ZNF507: variants seen among roughly 807,000 people sequenced by gnomAD.
ZNF507 encodes the protein zinc finger protein 507.
In ZNF507, 29 loss-of-function variants were observed where a neutral mutation model predicts 80.0. That is an observed-to-expected ratio of 0.36 (90% confidence interval 0.27 to 0.49). The LOEUF is 0.49. Ranked by LOEUF, ZNF507 falls within the 20% of genes least tolerant of loss-of-function variation. The pLI is 0.98. For missense variants in ZNF507, 1,081 were observed against 1,152.2 expected, an observed-to-expected ratio of 0.94 and a Z score of 0.90; for synonymous variants, 462 against 422.5, an observed-to-expected ratio of 1.09 and a Z score of -1.15.
At chr19:32,352,225 A>G (rs1214624923) in intron 2 of ZNF507, among the ~76,000 whole-genome samples, 2 of 152,214 alleles carry the variant, frequency 1.3e-5, no homozygotes, top group Admixed American at 6.5e-5. Flanking sequence ...AATTTCATTT[A>G]TATAGTACTT....
rs1967646182 is a variant in ZNF507 at position 32,383,118 on chromosome 19, G to A, written c.*35G>A. 1.3e-6 allele frequency: 2 copies of A among 1,588,266 alleles called. No homozygotes were observed. The highest frequency in any genetic ancestry group is 1.7e-6 in the Non-Finnish European group (2 of 1,164,682). The stretch of plus-strand genomic sequence containing the variant: ...TGACTCGAGCAGGAAAGCAGTAGAA[G>A]AGGATTCCTTCACCACAGTTTCACC... On this transcript the variant is annotated 3_prime_UTR_variant, in exon 7 of 7. Coordinates refer to ENST00000355898, the MANE Select transcript of ZNF507 (RefSeq NM_001136156.2).
chr19:32,366,043 T>C (rs1392252955), intron 5 of ZNF507, among the ~76,000 whole-genome samples: 5 of 152,204 alleles, frequency 3.3e-5, no homozygotes, highest in Admixed American at 3.3e-4. Context: ...GCCCAAATAA[T>C]ATAAGATGAA....
In ZNF507 at chr19:32,354,039, A is replaced by C; in HGVS notation, c.1209A>C (p.Pro403=). The stretch of plus-strand genomic sequence containing the variant: ...TTAACGTGATAGTGGAGCGATTGCC[A>C]AGTGCTGAAGAAACCCTTTCACAGA... ...GHVNVIVERL[P]SAEETLSQKR... Residue 403 remains proline (P), a synonymous_variant, in exon 3 of 7, where the codon CCA becomes CCC. Coordinates refer to ENST00000355898, the MANE Select transcript of ZNF507 (RefSeq NM_001136156.2). 1 of 1,614,166 alleles carries C rather than the reference A, an allele frequency of 6.2e-7. No individual in the cohort carries two copies. Among genetic ancestry groups the C allele is most frequent in the Non-Finnish European group, 8.5e-7 (1 of 1,180,034 alleles).
intron 5 of ZNF507, among the ~76,000 whole-genome samples, chr19:32,365,088 T>G (rs1287825667): frequency 1.3e-5 from 2 of 152,224 alleles, no homozygotes; most frequent in Non-Finnish European, 2.9e-5. Context: ...GATTTGCATT[T>G]CCCTGATCGT....
Position 32,354,490 on chromosome 19 carries a change from TTAAC to T in ZNF507, c.1663_1666del (p.Thr555ValfsTer10). On this transcript the variant is annotated frameshift_variant, in exon 3 of 7. Coordinates refer to ENST00000355898, the MANE Select transcript of ZNF507 (RefSeq NM_001136156.2). LOFTEE classifies it high-confidence loss of function. The stretch of plus-strand genomic sequence containing the variant: ...GCCACTTAAAAACTCTTCAGATGGA[TTAAC>T]TAGTCTTAACCAAAGCAACTCCACC... 6.2e-7 allele frequency: 1 copy of T among 1,614,146 alleles called. No homozygotes were observed. The highest frequency in any genetic ancestry group is 1.3e-5 in the African/African-American group (1 of 75,018).
At position 32,383,231 on chromosome 19, in the gene ZNF507, T is replaced by A. The variant is rs529466393; in HGVS notation, c.*148T>A. The A allele has an allele frequency of 7.9e-5, 83 of 1,055,848 alleles. No individual in the cohort carries two copies. Among genetic ancestry groups the A allele is most frequent in the Non-Finnish European group, 1.1e-4 (82 of 742,470 alleles). The allele number at this position is 1,055,848 out of a possible 1,614,324, so 65.4% of individuals were successfully genotyped here. Reference sequence around the variant, plus strand: ...ACAGATGTGACTTTGGAACCAAACTTGTAATAAAAGGAATTCCAAATGGAC... The same window carrying A: ...ACAGATGTGACTTTGGAACCAAACTAGTAATAAAAGGAATTCCAAATGGAC... On this transcript the variant is annotated 3_prime_UTR_variant, in exon 7 of 7. Coordinates refer to ENST00000355898, the MANE Select transcript of ZNF507 (RefSeq NM_001136156.2).
Position 32,353,905 on chromosome 19 carries a change from G to C in ZNF507, c.1075G>C (p.Glu359Gln). The change falls in exon 3 of 7, where the codon GAA becomes CAA. Residue 359 changes from glutamate (E) to glutamine (Q), a missense_variant. Physicochemically the swap from Glu to Gln is conservative, Grantham distance 29. Around this residue, in one of 6 missense-constraint regions of ZNF507, gnomAD observed 614 missense variants for 583.9 expected, o/e 1.05. Coordinates refer to ENST00000355898, the MANE Select transcript of ZNF507 (RefSeq NM_001136156.2). ...SQSVTLDPNE[E>Q]EMLEVISDAE... ...GTCAGTTACCCTGGACCCCAATGAG[G>C]AAGAAATGCTAGAAGTGATTTCTGA... is the stretch of plus-strand genomic sequence containing the variant. 6.2e-7 allele frequency: 1 copy of C among 1,614,148 alleles called. No individual in the cohort carries two copies. Among genetic ancestry groups the C allele is most frequent in the Admixed American group, 1.7e-5 (1 of 60,018 alleles).
At chr19:32,361,858 T>A (rs1022055764) in intron 5 of ZNF507, among the ~76,000 whole-genome samples, 3 of 147,276 alleles carry the variant, frequency 2.0e-5, no homozygotes, top group Non-Finnish European at 3.0e-5. Flanking sequence ...TTTCCTTCCT[T>A]CCTTTCCTTC....
Position 32,354,560 on chromosome 19 carries a change from G to T in ZNF507, c.1730G>T (p.Gly577Val). Residue 577 changes from glycine (G) to valine (V), a missense_variant, in exon 3 of 7, where the codon GGG (glycine) becomes GTG (valine). Physicochemically the swap from Gly to Val is moderately radical, Grantham distance 109. Coordinates refer to ENST00000355898, the MANE Select transcript of ZNF507 (RefSeq NM_001136156.2). ...GAGGGTAGGCAGGAATTGTCAGATG[G>T]GCAGGTTAAGACAGGCATCAGCATG... ...LPEGRQELSD[G>V]QVKTGISMSL... 6.2e-7 allele frequency: 1 copy of T among 1,614,096 alleles called. No individual in the cohort carries two copies. The highest frequency in any genetic ancestry group is 1.1e-5 in the South Asian group (1 of 91,074).
At chr19:32,366,416 A>G (rs1347229519) in intron 5 of ZNF507, among the ~76,000 whole-genome samples, 1 of 151,838 alleles carries the variant, frequency 6.6e-6, no homozygotes, top group Non-Finnish European at 1.5e-5. Context: ...TTCTAACATT[A>G]TCAATTAGTG....
intron 5 of ZNF507, among the ~76,000 whole-genome samples, chr19:32,364,959 A>G (rs1967378312): frequency 6.6e-6 from 1 of 152,128 alleles, no homozygotes; most frequent in Admixed American, 6.6e-5. Flanking sequence ...TTATCGCCAC[A>G]TCCACACCAA....
chr19:32,352,728 G>C (rs1967185774), intron 2 of ZNF507, 101 bp from the exon 3 acceptor site: 2 of 1,036,642 alleles, frequency 1.9e-6, no homozygotes, highest in Admixed American at 2.8e-5. Context: ...AAAATACTTA[G>C]ATGAGATTAC....
intron 5 of ZNF507, among the ~76,000 whole-genome samples, chr19:32,361,691 CT>C (rs374392359): frequency 1.9e-4 from 4 of 21,466 alleles, no homozygotes; most frequent in Non-Finnish European, 6.2e-4. Context: ...TCCTTCCTTC[CT>C]TTCCTTCCTT....
chr19:32,354,881 T>A lies in ZNF507; in HGVS notation c.2051T>A (p.Leu684Ter). 1 of 1,614,148 alleles carries A rather than the reference T, an allele frequency of 6.2e-7. No individual in the cohort carries two copies. The highest frequency in any genetic ancestry group is 8.5e-7 in the Non-Finnish European group (1 of 1,180,022). ...CEHIADNSKD[L>*]ESHMIHHCKT... is the part of the protein sequence containing the mutation. ...CACATAGCGGACAACAGCAAAGATT[T>A]GGAGAGTCACATGATCCACCACTGT... Residue 684 changes from leucine (L) to a stop codon, truncating the protein, a stop_gained, in exon 3 of 7, where the codon TTG (leucine) becomes TAG (stop). Transcript: ENST00000355898. LOFTEE classifies it high-confidence loss of function.
chr19:32,378,650 TAAAA>T (rs10616609), intron 5 of ZNF507, among the ~76,000 whole-genome samples: 27 of 113,062 alleles, frequency 2.4e-4, no homozygotes, highest in Middle Eastern at 4.6e-3. Context: ...TTTTTTTTTT[TAAAA>T]AAAAAAGGGA....
Position 32,354,074 on chromosome 19 carries a change from T to C in ZNF507, c.1244T>C (p.Leu415Pro). The change falls in exon 3 of 7, where the codon CTC becomes CCC. Residue 415 changes from leucine (L) to proline (P), a missense_variant. Leu to Pro is a moderately conservative substitution (Grantham distance 98, BLOSUM62 -3). Transcript: ENST00000355898. ...GAAACCCTTTCACAGAAGCGCTTCC[T>C]CATGAACACTGAAATGGAAGAAGGG... ...AEETLSQKRFLMNTEMEEGKD... is the reference protein window; with the variant it reads ...AEETLSQKRFPMNTEMEEGKD... The C allele has an allele frequency of 6.2e-7, 1 of 1,614,042 alleles. No homozygotes were observed. The highest frequency in any genetic ancestry group is 2.2e-5 in the East Asian group (1 of 44,876).
At chr19:32,366,424 G>C (rs1967399887) in intron 5 of ZNF507, among the ~76,000 whole-genome samples, 1 of 151,702 alleles carries the variant, frequency 6.6e-6, no homozygotes, top group Non-Finnish European at 1.5e-5. Flanking sequence ...TTATCAATTA[G>C]TGTTTTCTGT....
chr19:32,362,943 T>G (rs966911321), intron 5 of ZNF507, among the ~76,000 whole-genome samples: 1 of 152,232 alleles, frequency 6.6e-6, no homozygotes, highest in Non-Finnish European at 1.5e-5. Context: ...CCTTTTAACT[T>G]TCTTTAAATA....
Position 32,354,867 on chromosome 19 carries a change from C to G in ZNF507, c.2037C>G (p.Asp679Glu). 6.2e-7 allele frequency: 1 copy of G among 1,614,154 alleles called. No individual in the cohort carries two copies. Among genetic ancestry groups the G allele is most frequent in the Non-Finnish European group, 8.5e-7 (1 of 1,180,032 alleles). ...YQCPICEHIA[D>E]NSKDLESHMI... ...GTCCTATCTGCGAGCACATAGCGGA[C>G]AACAGCAAAGATTTGGAGAGTCACA... The change falls in exon 3 of 7, where the codon GAC (aspartate) becomes GAG (glutamate). Residue 679 changes from aspartate (D) to glutamate (E), a missense_variant. Physicochemically the swap from Asp to Glu is conservative, Grantham distance 45. Coordinates refer to ENST00000355898, the MANE Select transcript of ZNF507 (RefSeq NM_001136156.2).
Sources: gnomAD v4.1 joint callset for allele counts (sites outside exome capture counted in the v4.1 genomes callset) on GRCh38, gnomAD v4.1.1 for gene constraint, gnomAD v4.1.1 regional missense constraint, MANE v1.5 for transcripts, NCBI Gene and HGNC (gene_info 2026-07-23, HGNC 2026-07-21) for gene names.